CEP350: variants seen among roughly 807,000 people sequenced by gnomAD.
The protein encoded by CEP350 is centrosome-associated protein 350.
A neutral mutation model predicts 331.8 loss-of-function variants in CEP350; 126 were observed. The ratio of observed to expected loss-of-function variants is 0.38; its 90% CI spans 0.33 to 0.44. The LOEUF is 0.44. CEP350 is among the 20% of genes least tolerant of loss of function. The probability of loss-of-function intolerance (pLI) is 1.00; values close to 1 mark genes in which losing one functional copy is unlikely to be tolerated. For missense variants in CEP350, 3,406 were observed against 3,634.6 expected, an observed-to-expected ratio of 0.94 and a Z score of 1.62; for synonymous variants, 1,200 against 1,259.5, an observed-to-expected ratio of 0.95 and a Z score of 1.00.
chr1:180,062,717 C>G (rs1425126470), intron 26 of CEP350, among the ~76,000 whole-genome samples: 1 of 152,144 alleles, frequency 6.6e-6, no homozygotes, highest in Non-Finnish European at 1.5e-5. Flanking sequence ...TGTGCTAGCT[C>G]AATCCCCTCT....
At position 180,043,050 on chromosome 1, in the gene CEP350, G is replaced by T. The variant is rs1443615388; in HGVS notation, c.4363-6G>T. 1 of 1,610,758 alleles carries T rather than the reference G, an allele frequency of 6.2e-7. No homozygotes were observed. Among genetic ancestry groups the T allele is most frequent in the East Asian group, 2.2e-5 (1 of 44,760 alleles). On this transcript the variant is annotated splice_polypyrimidine_tract_variant and splice_region_variant and intron_variant, in intron 19 of 37. Transcript: ENST00000367607. ...ATTTGCCTTTCTTGTGTGTGTTCATGTTTAGATGGCAGAGTTGACTAGAAC... is the reference window on the plus strand; with the variant it reads ...ATTTGCCTTTCTTGTGTGTGTTCATTTTTAGATGGCAGAGTTGACTAGAAC...
intron 1 of CEP350, among the ~76,000 whole-genome samples, chr1:179,973,147 G>T (rs1467283268): frequency 6.6e-6 from 1 of 152,172 alleles, no homozygotes; most frequent in East Asian, 1.9e-4. Context: ...GATTACAGGC[G>T]TGAGCCACCT....
chr1:179,956,996 C>T (rs1437712904), intron 1 of CEP350, among the ~76,000 whole-genome samples: 1 of 152,004 alleles, frequency 6.6e-6, no homozygotes, highest in Non-Finnish European at 1.5e-5. Flanking sequence ...TGCTGATGAT[C>T]GTCAGTTCTT....
chr1:180,092,562 T>G (rs912702396), intron 33 of CEP350, 52 bp from the exon 34 acceptor site: 8 of 1,351,766 alleles, frequency 5.9e-6, no homozygotes, highest in Non-Finnish European at 7.8e-6. Flanking sequence ...TTCACAAAAT[T>G]GAAAGATAGT....
chr1:180,095,228 C>A (rs1660415848), intron 34 of CEP350: 2 of 111,024 alleles, frequency 1.8e-5, no homozygotes, highest in Non-Finnish European at 3.8e-5. Flanking sequence ...ATTTCCATAT[C>A]CCATAGACAG....
chr1:180,075,110 G>C lies in CEP350; in HGVS notation c.5656G>C (p.Glu1886Gln). 3.1e-6 allele frequency: 5 copies of C among 1,613,678 alleles called. No homozygotes were observed. Among genetic ancestry groups the C allele is most frequent in the Non-Finnish European group, 4.2e-6 (5 of 1,179,764 alleles). ...GTGGAAGCGACGTTTAGATGCAGAA[G>C]AAGCAGAAATTCGTCAAATGGAAAA... is the stretch of plus-strand genomic sequence containing the variant. ...LEWKRRLDAE[E>Q]AEIRQMEKQA... Residue 1886 changes from glutamate to glutamine, a missense_variant, in exon 28 of 38, where the codon GAA becomes CAA. This residue lies in a region of CEP350 where 1,415 missense variants were observed against 1,512.3 expected (regional missense o/e 0.94). Transcript: ENST00000367607.
At chr1:180,106,523 C>T (rs4652465) in intron 37 of CEP350, among the ~76,000 whole-genome samples, 86,084 of 151,952 alleles carry the variant, frequency 0.57, 26,290 homozygotes, top group East Asian at 0.72. Flanking sequence ...GTCAGTGTCC[C>T]TCTTTAAATA....
At chr1:180,065,773 T>C (rs755231418) in intron 27 of CEP350, among the ~76,000 whole-genome samples, 1 of 151,888 alleles carries the variant, frequency 6.6e-6, no homozygotes, top group African/African-American at 2.4e-5. Context: ...AAAAAAAAAG[T>C]ATCTGCACAT....
chr1:180,072,634 A>G (rs1352273026), intron 27 of CEP350, among the ~76,000 whole-genome samples: 1 of 152,114 alleles, frequency 6.6e-6, no homozygotes, highest in Non-Finnish European at 1.5e-5. Flanking sequence ...CCAGATATGA[A>G]TATGTGTGTT....
chr1:180,044,978 G>C (rs142139509), intron 21 of CEP350, among the ~76,000 whole-genome samples: 2 of 151,122 alleles, frequency 1.3e-5, no homozygotes, highest in African/African-American at 4.8e-5. Flanking sequence ...GCCTTCAAAG[G>C]CTGTGTTTAT....
chr1:180,048,397 T>G, intron 21 of CEP350, 139 bp from the exon 22 acceptor site: 1 of 600,614 alleles, frequency 1.7e-6, no homozygotes, highest in Non-Finnish European at 2.9e-6. Flanking sequence ...TTACTTAGCT[T>G]TTTCTGTTTT....
chr1:179,998,855 G>T (rs1241687005), intron 6 of CEP350, among the ~76,000 whole-genome samples: 1 of 151,742 alleles, frequency 6.6e-6, no homozygotes, highest in Non-Finnish European at 1.5e-5. Context: ...AGATAAAATT[G>T]GATAATTTGC....
chr1:179,961,137 T>A (rs979288074), intron 1 of CEP350, among the ~76,000 whole-genome samples: 2 of 152,190 alleles, frequency 1.3e-5, no homozygotes, highest in Non-Finnish European at 2.9e-5. Context: ...GTTTCACTTT[T>A]CAAAGTTTTA....
chr1:179,981,497 G>GT (rs1163263048), intron 1 of CEP350, among the ~76,000 whole-genome samples: 1 of 152,060 alleles, frequency 6.6e-6, no homozygotes, highest in Non-Finnish European at 1.5e-5. Flanking sequence ...TTATAAGTAA[G>GT]TTTTTTATTG....
intron 22 of CEP350, among the ~76,000 whole-genome samples, chr1:180,049,858 G>A (rs895855434): frequency 6.6e-6 from 1 of 152,026 alleles, no homozygotes; most frequent in Admixed American, 6.6e-5. Flanking sequence ...CCCTCTTAAA[G>A]CAAGTAAAAT....
At chr1:180,019,873 C>T in intron 11 of CEP350, 76 bp from the exon 12 acceptor site, 3 of 1,387,076 alleles carry the variant, frequency 2.2e-6, no homozygotes, top group Non-Finnish European at 1.9e-6. Context: ...CCTCATTACT[C>T]TTATAATCAG....
chr1:179,991,263 A>C (rs1443182925), intron 4 of CEP350, among the ~76,000 whole-genome samples: 2 of 150,836 alleles, frequency 1.3e-5, no homozygotes, highest in South Asian at 4.2e-4. Flanking sequence ...ATACAATGCA[A>C]ATTTTTCTTG....
rs1360002703 is a variant in CEP350 at position 180,093,346 on chromosome 1, A to G, written c.7241A>G (p.Asp2414Gly). ...AGGAAAGACTCTCAGTCTTGCAGAGATAAGCCACAGCCAATGAGGAGCTCT... is the reference window on the plus strand; with the variant it reads ...AGGAAAGACTCTCAGTCTTGCAGAGGTAAGCCACAGCCAATGAGGAGCTCT... ...SLRKDSQSCR[D>G]KPQPMRSSTS... Residue 2414 changes from aspartate (D) to glycine (G), a missense_variant, in exon 34 of 38, where the codon GAT becomes GGT. Coordinates refer to ENST00000367607, the MANE Select transcript of CEP350 (RefSeq NM_014810.5). 1 of 1,599,986 alleles carries G rather than the reference A, an allele frequency of 6.3e-7. No homozygotes were observed. The highest frequency in any genetic ancestry group is 1.7e-5 in the Admixed American group (1 of 57,424).
chr1:179,987,360 A>C, intron 3 of CEP350, 74 bp downstream of exon 3: 2 of 761,486 alleles, frequency 2.6e-6, no homozygotes, highest in Non-Finnish European at 4.3e-6. Context: ...ATAGATTAAA[A>C]TGTTTTCCAT....
Sources: allele counts gnomAD v4.1 joint callset (sites outside exome capture counted in the v4.1 genomes callset), GRCh38; gene constraint gnomAD v4.1.1; regional missense constraint gnomAD v4.1.1; transcripts MANE v1.5; gene names NCBI Gene and HGNC (gene_info 2026-07-23, HGNC 2026-07-21).